PDE1A: variants seen among roughly 807,000 people sequenced by gnomAD.
The protein encoded by PDE1A is dual specificity calcium/calmodulin-dependent 3',5'-cyclic nucleotide phosphodiesterase 1A.
In PDE1A, 35 loss-of-function variants were observed where a neutral mutation model predicts 61.7. The observed-to-expected ratio is 0.57, with a 90% CI of 0.43 to 0.75. PDE1A has a LOEUF of 0.75. Ranked by LOEUF, PDE1A falls within the 30% of genes least tolerant of loss-of-function variation. The pLI is 0.00. For missense variants in PDE1A, 597 were observed against 630.6 expected (o/e 0.95, Z 0.57); for synonymous variants, 232 against 213.2 (o/e 1.09, Z -0.77).
At chr2:182,533,169 G>C in the PDE1A span, among the ~76,000 whole-genome samples, 23 of 151,968 alleles carry the variant, frequency 1.5e-4, no homozygotes, top group Non-Finnish European at 2.8e-4. Context: ...AAATTAGCTG[G>C]GTGTAGTGGC....
At chr2:182,473,889 C>T (rs571761266) in intron 2 of PDE1A, among the ~76,000 whole-genome samples, 3 of 151,982 alleles carry the variant, frequency 2.0e-5, no homozygotes, top group African/African-American at 4.8e-5. Flanking sequence ...CTGTCTATCA[C>T]GATGGGCATT....
chr2:182,688,416 T>C, the PDE1A span, among the ~76,000 whole-genome samples: 2 of 152,118 alleles, frequency 1.3e-5, no homozygotes, highest in Non-Finnish European at 2.9e-5. Flanking sequence ...GAAGTTCATA[T>C]CCAGCCAAAC....
the PDE1A span, among the ~76,000 whole-genome samples, chr2:182,644,875 T>C: frequency 0.052 from 7,834 of 152,074 alleles, 250 homozygotes; most frequent in Middle Eastern, 0.085. Flanking sequence ...TATAAACACA[T>C]ATATTTGAAA....
At chr2:182,255,997 G>C (rs1691754608) in intron 2 of PDE1A, among the ~76,000 whole-genome samples, 1 of 143,612 alleles carries the variant, frequency 7.0e-6, no homozygotes, top group Non-Finnish European at 1.5e-5. Context: ...ACCAATGTTT[G>C]GCTATTTCTC....
intron 2 of PDE1A, among the ~76,000 whole-genome samples, chr2:182,261,622 C>T (rs1412823849): frequency 1.3e-5 from 2 of 152,076 alleles, no homozygotes; most frequent in Non-Finnish European, 2.9e-5. Flanking sequence ...AACCTCTTTT[C>T]CCCGCAAAAG....
chr2:182,372,671 A>G (rs1355746931), intron 1 of PDE1A, among the ~76,000 whole-genome samples: 1 of 152,236 alleles, frequency 6.6e-6, no homozygotes, highest in Non-Finnish European at 1.5e-5. Context: ...AGAGGGTGCT[A>G]TGCCACAATC....
At chr2:182,284,362 CTGATA>C (rs1284851317) in intron 1 of PDE1A, among the ~76,000 whole-genome samples, 3 of 152,022 alleles carry the variant, frequency 2.0e-5, no homozygotes, top group African/African-American at 4.8e-5. Context: ...TTTTTACTGA[CTGATA>C]TATCACTAAG....
At chr2:182,333,155 A>G (rs1050273971) in intron 1 of PDE1A, among the ~76,000 whole-genome samples, 2 of 152,220 alleles carry the variant, frequency 1.3e-5, no homozygotes, top group African/African-American at 4.8e-5. Flanking sequence ...TCCACTGTCA[A>G]TATTAGACAG....
chr2:182,278,107 A>C (rs572669802), intron 1 of PDE1A, among the ~76,000 whole-genome samples: 61 of 152,210 alleles, frequency 4.0e-4, no homozygotes, highest in Admixed American at 3.6e-3. Context: ...TATAGTGATT[A>C]AATAGGACAA....
chr2:182,614,678 C>T, the PDE1A span, among the ~76,000 whole-genome samples: 1 of 151,736 alleles, frequency 6.6e-6, no homozygotes. Context: ...CTGTCTCAGC[C>T]TCCCGAGTAG....
intron 1 of PDE1A, among the ~76,000 whole-genome samples, chr2:182,351,770 T>A (rs1698896055): frequency 6.6e-6 from 1 of 152,166 alleles, no homozygotes; most frequent in African/African-American, 2.4e-5. Context: ...GCAGACAAAC[T>A]TTACTGAGCC....
chr2:182,352,965 T>G (rs561125472), intron 1 of PDE1A, among the ~76,000 whole-genome samples: 2 of 152,312 alleles, frequency 1.3e-5, no homozygotes, highest in South Asian at 2.1e-4. Flanking sequence ...TTCAATACTT[T>G]AACATCTCAT....
chr2:182,213,092 C>T (rs1559195731), intron 7 of PDE1A, among the ~76,000 whole-genome samples: 1 of 150,648 alleles, frequency 6.6e-6, no homozygotes, highest in African/African-American at 2.5e-5. Flanking sequence ...ACTGCCTCCT[C>T]AAGTGGGTCC....
At chr2:182,397,558 C>T (rs1002161772) in intron 1 of PDE1A, among the ~76,000 whole-genome samples, 6 of 151,988 alleles carry the variant, frequency 3.9e-5, no homozygotes, top group African/African-American at 9.7e-5. Flanking sequence ...AAAAATTCTG[C>T]GATAAGAAAA....
intron 2 of PDE1A, among the ~76,000 whole-genome samples, chr2:182,510,850 C>A (rs922783950): frequency 2.0e-5 from 3 of 151,864 alleles, no homozygotes; most frequent in African/African-American, 7.3e-5. Context: ...CAGGGAAACA[C>A]AAATCCTTAT....
intron 1 of PDE1A, among the ~76,000 whole-genome samples, chr2:182,418,802 T>C (rs1232601784): frequency 3.3e-5 from 5 of 152,190 alleles, no homozygotes; most frequent in East Asian, 3.9e-4. Flanking sequence ...CTTGAAAAAG[T>C]TTGTGAGTTT....
At chr2:182,326,681 T>C (rs1179584169) in intron 1 of PDE1A, among the ~76,000 whole-genome samples, 1 of 152,202 alleles carries the variant, frequency 6.6e-6, no homozygotes, top group Non-Finnish European at 1.5e-5. Flanking sequence ...TACAGAATGG[T>C]ATGCTTACAA....
chr2:182,627,392 TG>T, the PDE1A span, among the ~76,000 whole-genome samples: 1 of 118,612 alleles, frequency 8.4e-6, no homozygotes, highest in East Asian at 2.2e-4. Flanking sequence ...TAATATATAA[TG>T]TATATTATAT....
chr2:182,144,651 G>T (rs191768064), downstream of PDE1A, among the ~76,000 whole-genome samples: 22 of 152,124 alleles, frequency 1.4e-4, no homozygotes, highest in Admixed American at 3.9e-4. Context: ...ACATGGCCAG[G>T]CTGCGATAAC....
Sources: gnomAD v4.1 joint callset for allele counts (sites outside exome capture counted in the v4.1 genomes callset) on GRCh38, gnomAD v4.1.1 for gene constraint, MANE v1.5 for transcripts, NCBI Gene and HGNC (gene_info 2026-07-23, HGNC 2026-07-21) for gene names.